Variants in OAS1 observed in about 807,000 individuals in gnomAD.
The protein encoded by OAS1 is 2'-5'-oligoadenylate synthase 1.
Under a neutral mutation model 38.5 loss-of-function variants are expected in OAS1, and 24 were observed. The observed-to-expected ratio is 0.62, with a 90% CI of 0.45 to 0.88. The LOEUF (loss-of-function observed/expected upper bound fraction) is 0.88. OAS1 is among the 40% of genes least tolerant of loss of function. OAS1 has a pLI of 0.00. For synonymous variants in OAS1, 169 were observed against 193.9 expected (o/e 0.87, Z 1.07); for missense variants, 482 against 493.9 (o/e 0.98, Z 0.23).
intron 6 of OAS1, among the ~76,000 whole-genome samples, chr12:112,928,767 A>T (rs553071002): frequency 6.0e-4 from 91 of 152,246 alleles, no homozygotes; most frequent in Non-Finnish European, 1.1e-3. Flanking sequence ...GGACTTGGGA[A>T]GTAACCATCG....
chr12:112,914,413 G>A (rs1362511959), intron 3 of OAS1, among the ~76,000 whole-genome samples: 1 of 152,194 alleles, frequency 6.6e-6, no homozygotes, highest in African/African-American at 2.4e-5. Flanking sequence ...GTGTGTGCAA[G>A]TATCTTTTTT....
chr12:112,923,363 C>T (rs1024600888), downstream of OAS1, among the ~76,000 whole-genome samples: 1 of 152,220 alleles, frequency 6.6e-6, no homozygotes, highest in Non-Finnish European at 1.5e-5. Flanking sequence ...CACATCCTCA[C>T]ACTTGTTATC....
At position 112,908,832 on chromosome 12, in the gene OAS1, C is replaced by T. The variant is rs2043337524; in HGVS notation, c.469+8C>T. 1.3e-6 allele frequency: 2 copies of T among 1,556,582 alleles called. No individual in the cohort carries two copies. Among genetic ancestry groups the T allele is most frequent in the South Asian group, 1.2e-5 (1 of 80,636 alleles). On this transcript the variant is annotated splice_region_variant and intron_variant, in intron 2 of 5. Transcript: ENST00000202917. ...CTGCCTTTGATGCCCTGGGTGAGAG[C>T]TCCCAGCTTCTTTTTCTCCCTCTTC...
At chr12:112,918,737 A>G (rs912804583) in intron 5 of OAS1, 10 of 432,892 alleles carry the variant, frequency 2.3e-5, no homozygotes, top group Non-Finnish European at 4.7e-5. Context: ...TCACATCCCC[A>G]CCTCTCATCT....
downstream of OAS1, among the ~76,000 whole-genome samples, chr12:112,924,636 G>A (rs2043548287): frequency 6.6e-6 from 1 of 151,920 alleles, no homozygotes. Context: ...CAGTACTATC[G>A]TACTTGGCAT....
Position 112,919,421 on chromosome 12 carries a change from C to T in OAS1, c.1071C>T (p.Asp357=), listed in dbSNP as rs745419642. The T allele has an allele frequency of 3.0e-5, 49 of 1,613,884 alleles. No homozygotes were observed. Among genetic ancestry groups the T allele is most frequent in the Non-Finnish European group, 4.0e-5 (47 of 1,179,904 alleles). Residue 357 remains aspartate, a synonymous_variant, in exon 6 of 6, where the codon GAC becomes GAT. Coordinates refer to ENST00000202917, the MANE Select transcript of OAS1 (RefSeq NM_016816.4). ...AESNSADDET[D]DPRRYQKYGY... is the part of the protein sequence containing the mutation. ...GCAACAGTGCAGACGATGAGACCGA[C>T]GATCCCAGGAGGTATCAGAAATATG...
At chr12:112,922,999 G>C (rs2043539621), downstream of OAS1, among the ~76,000 whole-genome samples, 1 of 152,138 alleles carries the variant, frequency 6.6e-6, no homozygotes, top group Admixed American at 6.5e-5. Context: ...CAAAGTGCTG[G>C]GATCACAGCT....
intron 3 of OAS1, among the ~76,000 whole-genome samples, chr12:112,914,701 A>G (rs1242405336): frequency 6.9e-6 from 1 of 145,304 alleles, no homozygotes; most frequent in Non-Finnish European, 1.5e-5. Context: ...AGGGATGTTG[A>G]GCATTTTTCC....
chr12:112,908,906 C>A (rs750994615), intron 2 of OAS1, 82 bp downstream of exon 2: 2 of 1,428,938 alleles, frequency 1.4e-6, no homozygotes, highest in Non-Finnish European at 1.9e-6. Context: ...TTTGCCCCAA[C>A]AGGGCATCTC....
At position 112,907,002 on chromosome 12, in the gene OAS1, T is replaced by C. The variant is rs1039513103; in HGVS notation, c.-38T>C. 2 of 1,608,786 alleles carry C rather than the reference T, an allele frequency of 1.2e-6. No individual in the cohort carries two copies. The highest frequency in any genetic ancestry group is 1.3e-5 in the African/African-American group (1 of 74,794). ...AGCAGAAGAGATAAAAGCAAACAGG[T>C]CTGGGAGGCAGTTCTGTTGCCACTC... On this transcript the variant is annotated 5_prime_UTR_variant, in exon 1 of 6. Coordinates refer to ENST00000202917, the MANE Select transcript of OAS1 (RefSeq NM_016816.4).
rs7955146 is a variant in OAS1 at position 112,911,044 on chromosome 12, C to G, written c.470-7C>G. 5.6e-6 allele frequency: 9 copies of G among 1,610,984 alleles called. No homozygotes were observed. In the East Asian group the frequency reaches 1.8e-4, roughly 32 times the overall value. On this transcript the variant is annotated splice_polypyrimidine_tract_variant and splice_region_variant and intron_variant, in intron 2 of 5. Transcript: ENST00000202917. ...TGACACCTAAGTTGTAGATTTTGCC[C>G]GAACAGGTCAGTTGACTGGCGGCTA...
At chr12:112,924,300 T>A (rs1288067879), downstream of OAS1, among the ~76,000 whole-genome samples, 7 of 152,164 alleles carry the variant, frequency 4.6e-5, no homozygotes, top group Non-Finnish European at 8.8e-5. Context: ...TAATTCTTAG[T>A]ATCTTTGGGA....
chr12:112,914,729 TG>T lies in OAS1; in HGVS notation c.655-1779del, dbSNP rs373721673. On this transcript the variant is annotated intron_variant, in intron 3 of 5. Transcript: ENST00000202917. ...ATTTTTCCATATGCTTGTTGGTATT[TG>T]TTTTTTTTTTTTTTTTTTCATTATT... Among the ~76,000 whole-genome samples, 28 of 122,864 alleles carry T rather than the reference TG, an allele frequency of 2.3e-4. No homozygotes were observed. The South Asian group carries it at 2.8e-3, about 12-fold the overall frequency. 80.6% of individuals were successfully genotyped at this position (122,864 alleles called of 152,430 possible). A position where few individuals can be genotyped will look rare whatever the true frequency, so the allele number is the denominator to read the frequency against.
At chr12:112,909,811 C>T (rs2043351119) in intron 2 of OAS1, among the ~76,000 whole-genome samples, 1 of 152,210 alleles carries the variant, frequency 6.6e-6, no homozygotes, top group Admixed American at 6.5e-5. Flanking sequence ...ATCTGTCACA[C>T]ACCGCACAAA....
chr12:112,922,193 T>C (rs1021381120), downstream of OAS1, among the ~76,000 whole-genome samples: 9 of 152,116 alleles, frequency 5.9e-5, no homozygotes, highest in African/African-American at 2.2e-4. Context: ...GGGGAAACCA[T>C]TACTATATAT....
At chr12:112,914,635 T>C (rs2043429040) in intron 3 of OAS1, among the ~76,000 whole-genome samples, 1 of 152,168 alleles carries the variant, frequency 6.6e-6, no homozygotes, top group South Asian at 2.1e-4. Flanking sequence ...ATGACCATTC[T>C]TGCAGGAGTG....
intron 2 of OAS1, among the ~76,000 whole-genome samples, chr12:112,909,524 G>A (rs1411876044): frequency 6.6e-6 from 1 of 152,152 alleles, no homozygotes; most frequent in African/African-American, 2.4e-5. Context: ...AGCCAAGTGT[G>A]GTGGTACATG....
intron 6 of OAS1, among the ~76,000 whole-genome samples, chr12:112,925,179 G>A (rs2043550864): frequency 6.6e-6 from 1 of 152,192 alleles, no homozygotes; most frequent in Non-Finnish European, 1.5e-5. Context: ...ATCCAGGGTT[G>A]ATGGGTGAAC....
intron 3 of OAS1, among the ~76,000 whole-genome samples, 187 bp from the exon 4 acceptor site, chr12:112,916,322 G>A (rs187872760): frequency 7.6e-4 from 115 of 152,266 alleles, no homozygotes; most frequent in African/African-American, 2.5e-3. Context: ...AGCCTCTGTT[G>A]CAACTACTCA....
Sources: gnomAD v4.1 joint callset for allele counts (sites outside exome capture counted in the v4.1 genomes callset) on GRCh38, gnomAD v4.1.1 for gene constraint, MANE v1.5 for transcripts, NCBI Gene and HGNC (gene_info 2026-07-23, HGNC 2026-07-21) for gene names.